PTPRD: variants seen among roughly 807,000 people sequenced by gnomAD.
PTPRD encodes the protein receptor-type tyrosine-protein phosphatase delta.
In PTPRD, 34 loss-of-function variants were observed where a neutral mutation model predicts 214.5. The ratio of observed to expected loss-of-function variants is 0.16; its 90% confidence interval spans 0.12 to 0.21. The LOEUF (loss-of-function observed/expected upper bound fraction) is 0.21, where lower values mean the gene tolerates loss of function less well. PTPRD is among the 10% of genes least tolerant of loss of function. The probability of loss-of-function intolerance (pLI) is 1.00; values close to 1 mark genes in which losing one functional copy is unlikely to be tolerated. For missense variants in PTPRD, 2,545 were observed against 2,398.7 expected, an observed-to-expected ratio of 1.06 and a Z score of -1.27; for synonymous variants, 1,128 against 845.7, an observed-to-expected ratio of 1.33 and a Z score of -5.79.
chr9:9,254,648 T>C (rs2099976934), intron 9 of PTPRD, among the ~76,000 whole-genome samples: 1 of 152,052 alleles, frequency 6.6e-6, no homozygotes, highest in Non-Finnish European at 1.5e-5. Flanking sequence ...CCTCTAACTT[T>C]CATGATTAAC....
chr9:9,484,933 T>C (rs974564840), intron 8 of PTPRD, among the ~76,000 whole-genome samples: 1 of 152,156 alleles, frequency 6.6e-6, no homozygotes, highest in African/African-American at 2.4e-5. Flanking sequence ...GCATTGGAAA[T>C]TGAAAGCAAA....
At chr9:9,747,094 G>A (rs956816890) in intron 6 of PTPRD, among the ~76,000 whole-genome samples, 1 of 152,136 alleles carries the variant, frequency 6.6e-6, no homozygotes, top group Non-Finnish European at 1.5e-5. Flanking sequence ...GGAGAGAAAT[G>A]TATTGTAGAA....
intron 9 of PTPRD, among the ~76,000 whole-genome samples, chr9:9,257,179 T>A (rs1266988208): frequency 6.6e-6 from 1 of 151,962 alleles, no homozygotes; most frequent in East Asian, 1.9e-4. Context: ...AACAAAACTC[T>A]GGAGGAGTTA....
At chr9:9,187,140 C>A (rs1308654809) in intron 9 of PTPRD, among the ~76,000 whole-genome samples, 1 of 151,860 alleles carries the variant, frequency 6.6e-6, no homozygotes, top group African/African-American at 2.4e-5. Flanking sequence ...CTGCTGTTAA[C>A]CCTATTCTAA....
chr9:9,167,739 G>C (rs1463294173), intron 10 of PTPRD, among the ~76,000 whole-genome samples: 1 of 152,052 alleles, frequency 6.6e-6, no homozygotes, highest in Non-Finnish European at 1.5e-5. Context: ...TAGGCAATGA[G>C]AGCAAAACTC....
chr9:8,753,465 T>C (rs2093708169), intron 11 of PTPRD, among the ~76,000 whole-genome samples: 2 of 152,186 alleles, frequency 1.3e-5, no homozygotes, highest in South Asian at 4.1e-4. Flanking sequence ...TCAAGCTTCT[T>C]AAAGGAATGA....
chr9:9,181,366 G>C (rs547961489), intron 10 of PTPRD, among the ~76,000 whole-genome samples: 9 of 151,894 alleles, frequency 5.9e-5, no homozygotes, highest in African/African-American at 2.2e-4. Flanking sequence ...TGTGTGCTAT[G>C]ATTCAAGCAA....
At chr9:10,121,448 G>T (rs113556282) in intron 3 of PTPRD, among the ~76,000 whole-genome samples, 201 of 152,182 alleles carry the variant, frequency 1.3e-3, no homozygotes, top group Middle Eastern at 3.4e-3. Context: ...CATTGATAAG[G>T]GCAAGCCAGA....
intron 8 of PTPRD, among the ~76,000 whole-genome samples, chr9:9,523,451 A>G (rs993430683): frequency 1.3e-5 from 2 of 152,170 alleles, no homozygotes; most frequent in Non-Finnish European, 2.9e-5. Flanking sequence ...TTAGTAATAA[A>G]TAAATAAATA....
chr9:8,348,548 T>C (rs567725318), intron 39 of PTPRD, among the ~76,000 whole-genome samples: 14 of 152,254 alleles, frequency 9.2e-5, no homozygotes, highest in South Asian at 6.2e-4. Flanking sequence ...GGTCTTTTAA[T>C]AGTAATTTTT....
At chr9:9,217,175 C>A (rs1363833857) in intron 9 of PTPRD, among the ~76,000 whole-genome samples, 1 of 152,064 alleles carries the variant, frequency 6.6e-6, no homozygotes, top group Non-Finnish European at 1.5e-5. Flanking sequence ...GTTCCCTTTG[C>A]AACTCTGTCT....
At chr9:9,336,629 T>C (rs1169133318) in intron 9 of PTPRD, among the ~76,000 whole-genome samples, 1 of 152,136 alleles carries the variant, frequency 6.6e-6, no homozygotes, top group East Asian at 1.9e-4. Flanking sequence ...TCATGCTTTG[T>C]ATACAAAACC....
At chr9:9,516,820 G>C (rs1228983878) in intron 8 of PTPRD, among the ~76,000 whole-genome samples, 2 of 150,366 alleles carry the variant, frequency 1.3e-5, no homozygotes, top group African/African-American at 4.8e-5. Flanking sequence ...ACAGGTGTGA[G>C]CCACCACAAT....
chr9:8,494,039 C>CACACACAG (rs1554636978), intron 26 of PTPRD, among the ~76,000 whole-genome samples: 2 of 150,380 alleles, frequency 1.3e-5, no homozygotes, highest in African/African-American at 4.9e-5. Flanking sequence ...CACACACACA[C>CACACACAG]AGCAATATAA....
chr9:8,882,696 C>T (rs2098456260), intron 11 of PTPRD, among the ~76,000 whole-genome samples: 1 of 151,820 alleles, frequency 6.6e-6, no homozygotes, highest in African/African-American at 2.4e-5. Flanking sequence ...ACCAGCCTGG[C>T]CGACATAGTG....
intron 5 of PTPRD, among the ~76,000 whole-genome samples, chr9:9,774,474 A>G (rs957372588): frequency 7.9e-5 from 12 of 152,178 alleles, no homozygotes; most frequent in African/African-American, 2.9e-4. Flanking sequence ...TTATTAACCT[A>G]TGTTCTTTAA....
At chr9:10,224,443 C>T (rs2154351553) in intron 3 of PTPRD, among the ~76,000 whole-genome samples, 1 of 152,048 alleles carries the variant, frequency 6.6e-6, no homozygotes, top group South Asian at 2.1e-4. Context: ...TGTGCCATCT[C>T]TATTCTTAAA....
chr9:9,893,621 A>T (rs947841050), intron 5 of PTPRD, among the ~76,000 whole-genome samples: 1 of 152,142 alleles, frequency 6.6e-6, no homozygotes, highest in East Asian at 1.9e-4. Flanking sequence ...TTGTTTTGAC[A>T]TTGGAGAATT....
At chr9:10,125,718 G>A (rs568754757) in intron 3 of PTPRD, among the ~76,000 whole-genome samples, 2 of 151,208 alleles carry the variant, frequency 1.3e-5, no homozygotes, top group African/African-American at 2.4e-5. Context: ...TCCTTTCCTC[G>A]GGATCCGCTC....
Sources: gnomAD v4.1 joint callset for allele counts (sites outside exome capture counted in the v4.1 genomes callset) on GRCh38, gnomAD v4.1.1 for gene constraint, MANE v1.5 for transcripts, NCBI Gene and HGNC (gene_info 2026-07-23, HGNC 2026-07-21) for gene names.